Variants in LUZP2 observed in about 807,000 individuals in gnomAD.
The protein encoded by LUZP2 is leucine zipper protein 2.
LUZP2 carries 52 observed loss-of-function variants against 51.6 expected under a neutral mutation model. That is an observed-to-expected ratio of 1.01 (90% CI 0.81 to 1.27). The LOEUF (loss-of-function observed/expected upper bound fraction) is 1.27, where lower values mean the gene tolerates loss of function less well. LUZP2 is among the 50% of genes most tolerant of loss of function. LUZP2 has a pLI of 0.00. For missense variants in LUZP2, 436 were observed against 395.4 expected, an observed-to-expected ratio of 1.10 and a Z score of -0.87; for synonymous variants, 154 against 137.3, an observed-to-expected ratio of 1.12 and a Z score of -0.85.
At chr11:24,638,314 A>G (rs754210250) in intron 1 of LUZP2, among the ~76,000 whole-genome samples, 18 of 151,848 alleles carry the variant, frequency 1.2e-4, no homozygotes, top group Admixed American at 5.2e-4. Context: ...ATTTCCCCAA[A>G]TAGAAATTAT....
At chr11:24,736,940 A>G (rs1325484133) in intron 3 of LUZP2, among the ~76,000 whole-genome samples, 1 of 152,028 alleles carries the variant, frequency 6.6e-6, no homozygotes, top group Non-Finnish European at 1.5e-5. Flanking sequence ...TTTGTCAACC[A>G]AAGTCCAAAA....
chr11:24,729,746 A>T (rs973191240), intron 2 of LUZP2, among the ~76,000 whole-genome samples: 2 of 151,936 alleles, frequency 1.3e-5, no homozygotes, highest in African/African-American at 4.8e-5. Context: ...TGAAATCTTT[A>T]AAAAATTCTA....
At chr11:24,734,320 T>A (rs74340917) in intron 3 of LUZP2, among the ~76,000 whole-genome samples, 2,034 of 151,670 alleles carry the variant, frequency 0.013, 46 homozygotes, top group African/African-American at 0.046. Flanking sequence ...GATATTTTTT[T>A]AAAATATCTA....
chr11:24,608,798 A>G (rs1172317476), intron 1 of LUZP2, among the ~76,000 whole-genome samples: 3 of 152,226 alleles, frequency 2.0e-5, no homozygotes, highest in Non-Finnish European at 2.9e-5. Flanking sequence ...AGTATGATAC[A>G]ATTATCTTCC....
chr11:24,772,824 C>T (rs920248611), intron 5 of LUZP2, among the ~76,000 whole-genome samples: 5 of 152,096 alleles, frequency 3.3e-5, no homozygotes, highest in African/African-American at 9.7e-5. Context: ...CTTCAGTATT[C>T]GTATGCCTCT....
chr11:24,732,223 C>G (rs763705399), intron 3 of LUZP2, 35 bp downstream of exon 3: 1 of 1,483,166 alleles, frequency 6.7e-7, no homozygotes. Context: ...TTATTTCTGC[C>G]ATAGTGTCAA....
intron 5 of LUZP2, among the ~76,000 whole-genome samples, chr11:24,887,144 C>T (rs1366585914): frequency 6.6e-6 from 1 of 152,070 alleles, no homozygotes; most frequent in Non-Finnish European, 1.5e-5. Flanking sequence ...CTTGTGTTTT[C>T]CTGGCATCCT....
At chr11:24,666,202 T>C (rs1234806431) in intron 1 of LUZP2, among the ~76,000 whole-genome samples, 1 of 152,056 alleles carries the variant, frequency 6.6e-6, no homozygotes, top group Non-Finnish European at 1.5e-5. Flanking sequence ...GGGCAATATA[T>C]TATTAATAAG....
At chr11:25,022,861 G>C (rs928061472) in intron 9 of LUZP2, among the ~76,000 whole-genome samples, 5 of 152,072 alleles carry the variant, frequency 3.3e-5, no homozygotes, top group Non-Finnish European at 7.4e-5. Context: ...GGCATGAAAG[G>C]CTGTTGAATT....
chr11:24,813,184 T>C (rs1371449611), intron 5 of LUZP2, among the ~76,000 whole-genome samples: 1 of 152,244 alleles, frequency 6.6e-6, no homozygotes, highest in Non-Finnish European at 1.5e-5. Context: ...AAGAGTCTTA[T>C]AATTCCCTAT....
intron 1 of LUZP2, among the ~76,000 whole-genome samples, chr11:24,722,262 TA>T (rs1199072281): frequency 1.3e-5 from 2 of 152,186 alleles, no homozygotes; most frequent in Non-Finnish European, 2.9e-5. Context: ...ATGCTGCTGA[TA>T]AAGACATACC....
intron 1 of LUZP2, among the ~76,000 whole-genome samples, chr11:24,617,250 G>C (rs1283260039): frequency 1.3e-5 from 2 of 150,668 alleles, no homozygotes; most frequent in Non-Finnish European, 3.0e-5. Flanking sequence ...TATTCTGCAT[G>C]AGCCTATTTG....
intron 5 of LUZP2, among the ~76,000 whole-genome samples, chr11:24,781,632 C>A (rs992534594): frequency 6.6e-6 from 1 of 151,614 alleles, no homozygotes; most frequent in Admixed American, 6.6e-5. Flanking sequence ...AAAAAATAGA[C>A]CTCATAACAC....
intron 9 of LUZP2, among the ~76,000 whole-genome samples, chr11:25,047,233 C>CA (rs1351414953): frequency 6.6e-6 from 1 of 151,974 alleles, no homozygotes; most frequent in Non-Finnish European, 1.5e-5. Context: ...AAAGCATCTG[C>CA]AAGTTTGTGG....
At chr11:24,746,285 A>G (rs774555628) in intron 4 of LUZP2, among the ~76,000 whole-genome samples, 6 of 152,154 alleles carry the variant, frequency 3.9e-5, no homozygotes, top group Non-Finnish European at 7.3e-5. Context: ...TGTCCAGAAA[A>G]GACTGCATCT....
intron 7 of LUZP2, among the ~76,000 whole-genome samples, chr11:24,926,537 A>G (rs1175734481): frequency 4.8e-5 from 7 of 146,764 alleles, no homozygotes; most frequent in Non-Finnish European, 6.0e-5. Flanking sequence ...GTGTGTGTAT[A>G]TATATACGTG....
chr11:24,864,953 A>G (rs937307856), intron 5 of LUZP2, among the ~76,000 whole-genome samples: 1 of 152,178 alleles, frequency 6.6e-6, no homozygotes, highest in Non-Finnish European at 1.5e-5. Flanking sequence ...GCATCTCACA[A>G]TTGCATATCG....
chr11:24,779,305 A>G (rs907325206), intron 5 of LUZP2, among the ~76,000 whole-genome samples: 4 of 152,206 alleles, frequency 2.6e-5, no homozygotes, highest in African/African-American at 9.6e-5. Context: ...AGACATAAGA[A>G]AATGCCAGTG....
intron 1 of LUZP2, among the ~76,000 whole-genome samples, chr11:24,571,672 G>A (rs920164093): frequency 6.6e-6 from 1 of 151,932 alleles, no homozygotes; most frequent in Non-Finnish European, 1.5e-5. Context: ...TGACTTAATC[G>A]CTTAAGAATA....
Sources: allele counts gnomAD v4.1 joint callset (sites outside exome capture counted in the v4.1 genomes callset), GRCh38; gene constraint gnomAD v4.1.1; transcripts MANE v1.5; gene names NCBI Gene and HGNC (gene_info 2026-07-23, HGNC 2026-07-21).